The following TNRC6B variants were observed in gnomAD, a reference collection of about 807,000 sequenced individuals.
TNRC6B encodes trinucleotide repeat-containing gene 6B protein.
TNRC6B carries 52 observed loss-of-function variants against 203.6 expected under a neutral mutation model. The observed-to-expected ratio is 0.26, with a 90% confidence interval of 0.20 to 0.32. The LOEUF (loss-of-function observed/expected upper bound fraction) is 0.32. Among genes scored for constraint, TNRC6B ranks in the 10% least tolerant of loss-of-function variants. The pLI is 1.00. For missense variants in TNRC6B, 1,923 were observed against 2,286.2 expected, an observed-to-expected ratio of 0.84 and a Z score of 3.24; for synonymous variants, 838 against 845.7, an observed-to-expected ratio of 0.99 and a Z score of 0.16.
At chr22:40,308,408 G>A in intron 15 of TNRC6B, 104 bp from the exon 16 acceptor site, 5 of 1,326,172 alleles carry the variant, frequency 3.8e-6, no homozygotes, top group Non-Finnish European at 5.4e-6. Flanking sequence ...GAGAAACTCT[G>A]TGAATTAGTC....
At chr22:40,122,007 C>G (rs2068451236) in intron 2 of TNRC6B, among the ~76,000 whole-genome samples, 4 of 152,244 alleles carry the variant, frequency 2.6e-5, no homozygotes. Context: ...GCCCAAAGTC[C>G]TGGCCTTAAC....
intron 3 of TNRC6B, among the ~76,000 whole-genome samples, chr22:40,154,485 TAATAA>T (rs1022523215): frequency 1.3e-5 from 2 of 149,934 alleles, no homozygotes; most frequent in East Asian, 2.0e-4. Flanking sequence ...AATAAATAAA[TAATAA>T]AATAAAAGCA....
chr22:40,091,131 G>A (rs534888930), intron 1 of TNRC6B, among the ~76,000 whole-genome samples: 20 of 152,052 alleles, frequency 1.3e-4, no homozygotes, highest in Non-Finnish European at 2.5e-4. Flanking sequence ...ACAGGCGCCC[G>A]CCACCACACC....
chr22:40,247,660 A>G (rs1366514259), intron 2 of TNRC6B, among the ~76,000 whole-genome samples: 1 of 152,176 alleles, frequency 6.6e-6, no homozygotes, highest in Non-Finnish European at 1.5e-5. Context: ...GTCTCTATTA[A>G]TAGTGGTATA....
chr22:40,322,556 A>G (rs1371524454), intron 22 of TNRC6B, among the ~76,000 whole-genome samples: 3 of 152,212 alleles, frequency 2.0e-5, no homozygotes, highest in Admixed American at 6.5e-5. Context: ...TAAATTCCAT[A>G]CACCAAGAAA....
intron 1 of TNRC6B, among the ~76,000 whole-genome samples, chr22:40,116,160 C>T (rs1056673584): frequency 5.3e-5 from 8 of 152,174 alleles, no homozygotes; most frequent in East Asian, 1.9e-4. Flanking sequence ...GAATGGAGCA[C>T]GCTGTCTTGG....
intron 1 of TNRC6B, among the ~76,000 whole-genome samples, chr22:40,237,404 A>G (rs994527509): frequency 6.6e-6 from 1 of 152,166 alleles, no homozygotes; most frequent in East Asian, 1.9e-4. Flanking sequence ...GCAGCACTGC[A>G]TCTTGTTTGC....
chr22:40,071,937 A>G (rs1295105556), intron 1 of TNRC6B, among the ~76,000 whole-genome samples: 9 of 152,162 alleles, frequency 5.9e-5, no homozygotes, highest in African/African-American at 1.2e-4. Context: ...AGCTCACTAT[A>G]ACCTCAAACA....
Position 40,315,386 on chromosome 22 carries a change from C to T in TNRC6B, c.4782C>T (p.Asn1594=), listed in dbSNP as rs1292371901. Reference sequence around the variant, plus strand: ...GGAAAAACCATATTTCCTCCAGGAACACTACACCGCTGCCCCGCCCACCTC... The same window carrying T: ...GGAAAAACCATATTTCCTCCAGGAATACTACACCGCTGCCCCGCCCACCTC... ...KMWKNHISSR[N]TTPLPRPPPG... Residue 1594 remains asparagine, a synonymous_variant, in exon 20 of 23, where the codon AAC becomes AAT. Transcript: ENST00000454349. 3 of 1,613,884 alleles carry T rather than the reference C, an allele frequency of 1.9e-6. No homozygotes were observed. Among genetic ancestry groups the T allele is most frequent in the East Asian group, 4.5e-5 (2 of 44,884 alleles).
At chr22:40,314,694 C>G (rs2071232747) in intron 19 of TNRC6B, among the ~76,000 whole-genome samples, 1 of 152,212 alleles carries the variant, frequency 6.6e-6, no homozygotes, top group South Asian at 2.1e-4. Context: ...CTCATCTGTT[C>G]TGTGTTCCCA....
At chr22:40,122,355 G>A (rs1350698227) in intron 2 of TNRC6B, among the ~76,000 whole-genome samples, 1 of 152,094 alleles carries the variant, frequency 6.6e-6, no homozygotes, top group Non-Finnish European at 1.5e-5. Flanking sequence ...GGGCAGAGGG[G>A]CCGGGCTTAA....
At chr22:40,112,713 G>C (rs191303828) in intron 1 of TNRC6B, among the ~76,000 whole-genome samples, 1 of 152,192 alleles carries the variant, frequency 6.6e-6, no homozygotes. Flanking sequence ...CAGTTGAATA[G>C]TATCTGTTGC....
chr22:40,281,300 C>G lies in TNRC6B; in HGVS notation c.3582+11C>G. ...TTCGCTGCTAGACAAGTAAGGAGGC[C>G]TCTCAAATTTATAACTGCTTGGCTA... On this transcript the variant is annotated intron_variant, in intron 11 of 22. Transcript: ENST00000454349. The G allele has an allele frequency of 1.3e-6, 2 of 1,534,516 alleles. No individual in the cohort carries two copies. Among genetic ancestry groups the G allele is most frequent in the South Asian group, 2.4e-5 (2 of 81,684 alleles).
Position 40,333,687 on chromosome 22 carries a change from A to G in TNRC6B, c.*10446A>G, listed in dbSNP as rs2044005251. On this transcript the variant is annotated 3_prime_UTR_variant, in exon 23 of 23. Coordinates refer to ENST00000454349, the MANE Select transcript of TNRC6B (RefSeq NM_001162501.2). ...TTCTTACTTGGGAGGAAACTTGTGTAAGGAGATGTGCAAACCACCCTGAAA... is the reference window on the plus strand; with the variant it reads ...TTCTTACTTGGGAGGAAACTTGTGTGAGGAGATGTGCAAACCACCCTGAAA... 1 of 152,658 alleles carries G rather than the reference A, an allele frequency of 6.6e-6. No individual in the cohort carries two copies. The highest frequency in any genetic ancestry group is 1.5e-5 in the Non-Finnish European group (1 of 68,054). The allele number at this position is 152,658 out of a possible 1,614,324, so 9.5% of individuals were successfully genotyped here. A position where few individuals can be genotyped will look rare whatever the true frequency, so the allele number is the denominator to read the frequency against.
At chr22:40,142,225 ATTTT>A (rs36034249) in intron 3 of TNRC6B, among the ~76,000 whole-genome samples, 4 of 142,982 alleles carry the variant, frequency 2.8e-5, no homozygotes, top group Admixed American at 7.0e-5. Flanking sequence ...CGCCTAGCTA[ATTTT>A]TTTTTTTTTT....
At chr22:40,158,373 A>AATAG (rs1256846777) in intron 4 of TNRC6B, among the ~76,000 whole-genome samples, 13 of 150,882 alleles carry the variant, frequency 8.6e-5, no homozygotes, top group Admixed American at 8.0e-4. Context: ...TAAATAAATA[A>AATAG]ATAAATAAAT....
At chr22:40,075,156 A>ATATATATATATATATATATATATTTTTTT in intron 1 of TNRC6B, among the ~76,000 whole-genome samples, 1 of 35,568 alleles carries the variant, frequency 2.8e-5, no homozygotes, top group Admixed American at 4.9e-4. Flanking sequence ...ATATATATAT[A>ATATATATATATATATATATATATTTTTTT]TTTTTTTTTT....
intron 1 of TNRC6B, among the ~76,000 whole-genome samples, chr22:40,215,302 A>T (rs1555890250): frequency 1.3e-5 from 2 of 152,232 alleles, no homozygotes; most frequent in South Asian, 4.1e-4. Flanking sequence ...TGTGTGATTT[A>T]TCAGTTAAGT....
At chr22:40,270,434 C>T (rs1332510188) in intron 6 of TNRC6B, among the ~76,000 whole-genome samples, 154 bp downstream of exon 6, 1 of 151,734 alleles carries the variant, frequency 6.6e-6, no homozygotes, top group South Asian at 2.1e-4. Flanking sequence ...ATTCTCCTGC[C>T]TCAGCCTCCC....
Sources: gnomAD v4.1 joint callset for allele counts (sites outside exome capture counted in the v4.1 genomes callset) on GRCh38, gnomAD v4.1.1 for gene constraint, MANE v1.5 for transcripts, NCBI Gene and HGNC (gene_info 2026-07-23, HGNC 2026-07-21) for gene names.